The following PRR16 variants were observed in gnomAD, a reference collection of about 807,000 sequenced individuals.
PRR16 encodes the protein proline rich 16.
PRR16 carries 6 observed loss-of-function variants against 18.2 expected under a neutral mutation model. That is an observed-to-expected ratio of 0.33 (90% CI 0.18 to 0.65). The LOEUF (loss-of-function observed/expected upper bound fraction) is 0.65. Ranked by LOEUF, PRR16 falls within the 30% of genes least tolerant of loss-of-function variation. The pLI is 0.74. For synonymous variants in PRR16, 151 were observed against 147.8 expected, an observed-to-expected ratio of 1.02 and a Z score of -0.16; for missense variants, 412 against 376.6, an observed-to-expected ratio of 1.09 and a Z score of -0.78.
chr5:120,757,426 T>C, the PRR16 span, among the ~76,000 whole-genome samples: 4 of 152,106 alleles, frequency 2.6e-5, no homozygotes, highest in African/African-American at 9.7e-5. Context: ...ATTTTAATGA[T>C]AGTGATTCTT....
intron 1 of PRR16, among the ~76,000 whole-genome samples, chr5:120,661,977 A>T (rs1384875131): frequency 6.6e-6 from 1 of 152,114 alleles, no homozygotes; most frequent in Non-Finnish European, 1.5e-5. Context: ...GGGCTGGGGT[A>T]TCCACATATG....
chr5:120,780,105 CTG>C, the PRR16 span, among the ~76,000 whole-genome samples: 1,792 of 152,216 alleles, frequency 0.012, 34 homozygotes, highest in African/African-American at 0.042. Flanking sequence ...GAAAGGAAAA[CTG>C]AGTCTCAAAA....
the PRR16 span, among the ~76,000 whole-genome samples, chr5:120,782,632 C>T: frequency 6.6e-6 from 1 of 152,098 alleles, no homozygotes; most frequent in African/African-American, 2.4e-5. Context: ...GGTCTGTGTT[C>T]ACTCTGTAAG....
In PRR16 at chr5:120,632,087, G is replaced by A. The variant is rs773460888; in HGVS notation, c.160-53867G>A. Among the ~76,000 whole-genome samples the A allele has an allele frequency of 2.3e-4, 35 of 152,164 alleles. 1 individual carries two copies. Among genetic ancestry groups the A allele is most frequent in the Admixed American group, 1.6e-3 (25 of 15,256 alleles). Reference sequence around the variant, plus strand: ...TCTGTGCAGATACTCCCCAGTACCAGCCTGGAGCCCAGTAGCTCTGCTGGA... The same window carrying A: ...TCTGTGCAGATACTCCCCAGTACCAACCTGGAGCCCAGTAGCTCTGCTGGA... On this transcript the variant is annotated intron_variant, in intron 1 of 1. Coordinates refer to ENST00000407149, the MANE Select transcript of PRR16 (RefSeq NM_001300783.2).
intron 1 of PRR16, among the ~76,000 whole-genome samples, chr5:120,482,442 G>A (rs1749650571): frequency 6.6e-6 from 1 of 152,070 alleles, no homozygotes. Flanking sequence ...CATCCATGTT[G>A]CTGCAAAGAA....
chr5:120,538,159 A>T (rs377254144), intron 1 of PRR16, among the ~76,000 whole-genome samples: 1 of 152,256 alleles, frequency 6.6e-6, no homozygotes, highest in African/African-American at 2.4e-5. Context: ...TGAGTTGTCT[A>T]TTCATTGATT....
At chr5:120,505,944 GTGTATA>G (rs1339901069) in intron 1 of PRR16, among the ~76,000 whole-genome samples, 84 of 123,988 alleles carry the variant, frequency 6.8e-4, no homozygotes, top group African/African-American at 2.9e-3. Context: ...ATGTGTGTGT[GTGTATA>G]TATATATATA....
the PRR16 span, among the ~76,000 whole-genome samples, chr5:120,792,955 C>G: frequency 2.7e-5 from 4 of 149,172 alleles, no homozygotes; most frequent in African/African-American, 9.7e-5. Context: ...GAGTTCGAGA[C>G]CAACCTGGAC....
downstream of PRR16, among the ~76,000 whole-genome samples, chr5:120,688,072 T>C (rs1757168475): frequency 6.6e-6 from 1 of 152,240 alleles, no homozygotes; most frequent in South Asian, 2.1e-4. Context: ...ATGACTTTTA[T>C]GAATAGTTGG....
At chr5:120,672,197 A>C (rs1232070984) in intron 1 of PRR16, among the ~76,000 whole-genome samples, 1 of 149,554 alleles carries the variant, frequency 6.7e-6, no homozygotes, top group Non-Finnish European at 1.5e-5. Context: ...GAGTGCCTTG[A>C]GGAGATACAG....
chr5:120,528,681 C>G (rs1025250161), intron 1 of PRR16, among the ~76,000 whole-genome samples: 4 of 152,032 alleles, frequency 2.6e-5, no homozygotes, highest in Non-Finnish European at 5.9e-5. Flanking sequence ...GACCCCAAAT[C>G]CAGAGGTGAT....
chr5:120,482,191 A>G (rs985348147), intron 1 of PRR16, among the ~76,000 whole-genome samples: 1 of 152,102 alleles, frequency 6.6e-6, no homozygotes, highest in Non-Finnish European at 1.5e-5. Flanking sequence ...ACATGGGTAT[A>G]TTGTGTGATG....
At chr5:120,479,336 C>T (rs996474697) in intron 1 of PRR16, among the ~76,000 whole-genome samples, 1 of 152,072 alleles carries the variant, frequency 6.6e-6, no homozygotes, top group African/African-American at 2.4e-5. Flanking sequence ...TCTTTAAAGA[C>T]CATGCTATGT....
chr5:120,577,293 AAGT>A (rs1207842676), intron 1 of PRR16, among the ~76,000 whole-genome samples: 1 of 152,034 alleles, frequency 6.6e-6, no homozygotes, highest in African/African-American at 2.4e-5. Context: ...TTATATTGAG[AAGT>A]CACTTGCATA....
intron 1 of PRR16, among the ~76,000 whole-genome samples, chr5:120,605,723 T>A (rs1362365564): frequency 6.6e-6 from 1 of 152,152 alleles, no homozygotes; most frequent in African/African-American, 2.4e-5. Context: ...TAGGGTTTGA[T>A]TGTGATATCA....
At chr5:120,568,249 A>T (rs1475424732) in intron 1 of PRR16, among the ~76,000 whole-genome samples, 2 of 152,118 alleles carry the variant, frequency 1.3e-5, no homozygotes, top group African/African-American at 4.8e-5. Flanking sequence ...TGGAAAATTA[A>T]AGGACTCCAG....
At chr5:120,512,169 T>C (rs935538579) in intron 1 of PRR16, among the ~76,000 whole-genome samples, 5 of 80,878 alleles carry the variant, frequency 6.2e-5, no homozygotes, top group African/African-American at 3.2e-4. Flanking sequence ...TCCCCATCCA[T>C]TGACCTTGTT....
chr5:120,518,611 C>T (rs1468691780), intron 1 of PRR16, among the ~76,000 whole-genome samples: 1 of 151,780 alleles, frequency 6.6e-6, no homozygotes, highest in East Asian at 1.9e-4. Context: ...CAGTATTTAG[C>T]CCACCTTGTG....
At chr5:120,577,818 A>G (rs1402065336) in intron 1 of PRR16, among the ~76,000 whole-genome samples, 2 of 152,198 alleles carry the variant, frequency 1.3e-5, no homozygotes, top group Non-Finnish European at 2.9e-5. Context: ...TAATTTTCCC[A>G]GCAACTGGGG....
Sources: gnomAD v4.1 joint callset for allele counts (sites outside exome capture counted in the v4.1 genomes callset) on GRCh38, gnomAD v4.1.1 for gene constraint, MANE v1.5 for transcripts, NCBI Gene and HGNC (gene_info 2026-07-23, HGNC 2026-07-21) for gene names.